Variants in FGF12 observed in about 807,000 individuals in gnomAD.
FGF12 encodes the protein fibroblast growth factor 12.
Under a neutral mutation model 23.6 loss-of-function variants are expected in FGF12, and 14 were observed. That is an observed-to-expected ratio of 0.59 (90% confidence interval 0.39 to 0.93). FGF12 has a LOEUF of 0.93. Ranked by LOEUF, FGF12 falls within the 40% of genes least tolerant of loss-of-function variation. The probability of loss-of-function intolerance (pLI) is 0.00; values close to 1 mark genes in which losing one functional copy is unlikely to be tolerated. For missense variants in FGF12, 175 were observed against 217.8 expected (o/e 0.80, Z 1.24); for synonymous variants, 62 against 77.3 (o/e 0.80, Z 1.04).
chr3:192,248,598 C>G (rs1310005638), intron 4 of FGF12, among the ~76,000 whole-genome samples: 1 of 152,046 alleles, frequency 6.6e-6, no homozygotes, highest in Admixed American at 6.6e-5. Flanking sequence ...CATAGTGAGA[C>G]CCCGTCTCTA....
chr3:192,439,976 G>GAAAAAAAAAAAAA (rs5855427), intron 2 of FGF12, among the ~76,000 whole-genome samples: 2 of 114,172 alleles, frequency 1.8e-5, no homozygotes, highest in African/African-American at 6.6e-5. Flanking sequence ...ACTCCATATG[G>GAAAAAAAAAAAAA]AAAAAAAAAA....
intron 2 of FGF12, among the ~76,000 whole-genome samples, chr3:192,472,048 C>T (rs1047591390): frequency 3.3e-5 from 5 of 152,144 alleles, no homozygotes; most frequent in African/African-American, 7.2e-5. Flanking sequence ...GATGGAGTCT[C>T]GCTCTGTCAC....
intron 4 of FGF12, among the ~76,000 whole-genome samples, chr3:192,214,333 A>G (rs1182696607): frequency 1.3e-5 from 2 of 152,268 alleles, no homozygotes; most frequent in African/African-American, 4.8e-5. Flanking sequence ...GCTAGAAATA[A>G]TAACAGTGAA....
In FGF12 at chr3:192,275,577, T is replaced by C. The variant is rs148358964; in HGVS notation, c.228+59784A>G. Among the ~76,000 whole-genome samples, 6 of 152,212 alleles carry C rather than the reference T, an allele frequency of 3.9e-5. No individual in the cohort carries two copies. The East Asian group carries it at 1.2e-3, about 29-fold the overall frequency. ...ATCTACCTGTTGGGACTAGAAAAGG[T>C]TTTGTGAAGGTGGTGTTTTCTAAGT... is the stretch of plus-strand genomic sequence containing the variant. On this transcript the variant is annotated intron_variant, in intron 4 of 5. Transcript: ENST00000445105.
At chr3:192,507,792 A>T (rs1346131360) in intron 2 of FGF12, among the ~76,000 whole-genome samples, 2 of 152,168 alleles carry the variant, frequency 1.3e-5, no homozygotes, top group African/African-American at 4.8e-5. Context: ...AGGCACATCT[A>T]CTATCTCTAG....
intron 2 of FGF12, among the ~76,000 whole-genome samples, chr3:192,390,728 T>C (rs1720253150): frequency 6.6e-6 from 1 of 152,098 alleles, no homozygotes; most frequent in East Asian, 1.9e-4. Context: ...GTTACAGAGA[T>C]ACAGTCAACG....
rs114953990 is a variant in FGF12 at position 192,539,086 on chromosome 3, G to A, written c.14-178548C>T. 2.0e-3 allele frequency among the ~76,000 whole-genome samples: 309 copies of A among 152,204 alleles called. 2 individuals are homozygous for A. The highest frequency in any genetic ancestry group is 7.1e-3 in the African/African-American group (296 of 41,542). On this transcript the variant is annotated intron_variant, in intron 2 of 5. Transcript: ENST00000445105. Reference sequence around the variant, plus strand: ...AATAACAAAAATATCATCTGCAAACGAGGATAATTTGACTTCATCCTTTCC... The same window carrying A: ...AATAACAAAAATATCATCTGCAAACAAGGATAATTTGACTTCATCCTTTCC...
At chr3:192,722,498 G>C (rs1341653077) in intron 2 of FGF12, among the ~76,000 whole-genome samples, 1 of 152,076 alleles carries the variant, frequency 6.6e-6, no homozygotes, top group African/African-American at 2.4e-5. Flanking sequence ...ATGAAATCTA[G>C]AACAAAGAAT....
chr3:192,514,117 G>C lies in FGF12; in HGVS notation c.14-153579C>G, dbSNP rs1657816428. On this transcript the variant is annotated intron_variant, in intron 2 of 5. Coordinates refer to ENST00000445105, the MANE Select transcript of FGF12 (RefSeq NM_004113.6). The surrounding 1 kb of genome is among the most constrained non-coding windows in gnomAD (Gnocchi z 4.9). ...CCCAGGGCACCCGGTTGAAGCCCAA[G>C]GCTAACTGGGACCCTCCTACTTCAG... 6.6e-6 allele frequency among the ~76,000 whole-genome samples: 1 copy of C among 152,118 alleles called. No individual in the cohort carries two copies. The highest frequency in any genetic ancestry group is 6.5e-5 in the Admixed American group (1 of 15,280).
chr3:192,371,027 C>T (rs745694154), intron 2 of FGF12, among the ~76,000 whole-genome samples: 1 of 152,148 alleles, frequency 6.6e-6, no homozygotes, highest in Non-Finnish European at 1.5e-5. Context: ...GGGAGTTTGA[C>T]ACTGGTCAAC....
At chr3:192,147,761 G>A (rs988894762) in intron 5 of FGF12, among the ~76,000 whole-genome samples, 4 of 152,060 alleles carry the variant, frequency 2.6e-5, no homozygotes, top group African/African-American at 9.7e-5. Flanking sequence ...CTAGTTAAGA[G>A]TTTTGAATAA....
rs138627876 is a variant in FGF12 at position 192,326,149 on chromosome 3, C to A, written c.228+9212G>T. The stretch of plus-strand genomic sequence containing the variant: ...TATTAATCTATATTAGATATGATCC[C>A]TAACCTCAAGGAATTTGCATCTGAT... On this transcript the variant is annotated intron_variant, in intron 4 of 5. Coordinates refer to ENST00000445105, the MANE Select transcript of FGF12 (RefSeq NM_004113.6). Among the ~76,000 whole-genome samples, 179 of 152,188 alleles carry A rather than the reference C, an allele frequency of 1.2e-3. 1 individual carries two copies. Among genetic ancestry groups the A allele is most frequent in the African/African-American group, 4.1e-3 (172 of 41,550 alleles).
At chr3:192,440,828 C>A (rs760186749) in intron 2 of FGF12, among the ~76,000 whole-genome samples, 2 of 152,172 alleles carry the variant, frequency 1.3e-5, no homozygotes, top group Admixed American at 6.5e-5. Context: ...AGGCTGGTAA[C>A]TTTTCTCTGT....
At position 192,560,355 on chromosome 3, in the gene FGF12, T is replaced by C. The variant is rs1711968506; in HGVS notation, c.13+166826A>G. Reference sequence around the variant, plus strand: ...TACACTCAAATAAATAAAAAAATAATAAAGAGCAAAAATCAAAATATAAAA... The same window carrying C: ...TACACTCAAATAAATAAAAAAATAACAAAGAGCAAAAATCAAAATATAAAA... On this transcript the variant is annotated intron_variant, in intron 2 of 5. Coordinates refer to ENST00000445105, the MANE Select transcript of FGF12 (RefSeq NM_004113.6). 2.6e-5 allele frequency among the ~76,000 whole-genome samples: 4 copies of C among 151,242 alleles called. No individual in the cohort carries two copies. The South Asian group carries it at 8.3e-4, about 32-fold the overall frequency.
intron 4 of FGF12, among the ~76,000 whole-genome samples, chr3:192,269,360 T>G (rs1713282627): frequency 6.6e-6 from 1 of 152,182 alleles, no homozygotes; most frequent in African/African-American, 2.4e-5. Flanking sequence ...CTGCACTCAG[T>G]GTTACCAGAT....
intron 2 of FGF12, among the ~76,000 whole-genome samples, chr3:192,475,174 A>G (rs1188609804): frequency 3.3e-5 from 5 of 152,244 alleles, no homozygotes; most frequent in Admixed American, 2.0e-4. Flanking sequence ...ATCAAAACAG[A>G]ACAAATATTA....
chr3:192,158,353 T>C (rs984457688), intron 5 of FGF12, among the ~76,000 whole-genome samples: 2 of 100,466 alleles, frequency 2.0e-5, no homozygotes, highest in African/African-American at 8.1e-5. Flanking sequence ...TTTCTTTCTT[T>C]CTTTCTTTCT....
At chr3:192,537,576 C>A (rs1375570549) in intron 2 of FGF12, among the ~76,000 whole-genome samples, 1 of 152,120 alleles carries the variant, frequency 6.6e-6, no homozygotes, top group African/African-American at 2.4e-5. Context: ...TTGTTATATA[C>A]CACTTCGCAT....
intron 2 of FGF12, among the ~76,000 whole-genome samples, chr3:192,477,760 A>T (rs1473509021): frequency 6.6e-6 from 1 of 152,206 alleles, no homozygotes; most frequent in African/African-American, 2.4e-5. Flanking sequence ...TGGTTGATTT[A>T]AAAATGACTT....
Sources: allele counts gnomAD v4.1 joint callset (sites outside exome capture counted in the v4.1 genomes callset), GRCh38; gene constraint gnomAD v4.1.1; non-coding constraint Gnocchi (gnomAD v3.1); transcripts MANE v1.5; gene names NCBI Gene and HGNC (gene_info 2026-07-23, HGNC 2026-07-21).